Variants in NSD1 observed in about 807,000 individuals in gnomAD.
NSD1 encodes nuclear receptor binding SET domain protein 1, also known as histone-lysine N-methyltransferase, H3 lysine-36 specific.
In NSD1, 26 loss-of-function variants were observed where a neutral mutation model predicts 242.7. The ratio of observed to expected loss-of-function variants is 0.11; its 90% CI spans 0.08 to 0.15. The LOEUF is 0.15. NSD1 is among the 10% of genes least tolerant of loss of function. NSD1 has a pLI of 1.00. For missense variants in NSD1, 2,495 were observed against 3,272.8 expected (o/e 0.76, Z 5.80); for synonymous variants, 1,106 against 1,178.1 (o/e 0.94, Z 1.25).
In NSD1 at chr5:177,211,841, C is replaced by G. The variant is rs1418756267; in HGVS notation, c.3442C>G (p.Leu1148Val). 1.5e-5 allele frequency: 24 copies of G among 1,614,088 alleles called. No homozygotes were observed. Among genetic ancestry groups the G allele is most frequent in the Non-Finnish European group, 2.0e-5 (24 of 1,180,010 alleles). Residue 1148 changes from leucine to valine, a missense_variant, in exon 5 of 23, where the codon CTC (leucine) becomes GTC (valine). Transcript: ENST00000439151. ...DSVMNSENDE[L>V]NGVNQVVPKK... is the part of the protein sequence containing the mutation. ...TGTAATGAACAGTGAGAATGATGAA[C>G]TCAATGGTGTAAATCAAGTGGTGCC...
chr5:177,159,631 T>C (rs1489938733), intron 2 of NSD1, among the ~76,000 whole-genome samples: 2 of 146,052 alleles, frequency 1.4e-5, no homozygotes, highest in African/African-American at 5.1e-5. Context: ...GTTTCGCTCT[T>C]GTTGCCCAGG....
intron 14 of NSD1, among the ~76,000 whole-genome samples, chr5:177,261,009 T>C (rs1756953825): frequency 6.6e-6 from 1 of 152,182 alleles, no homozygotes; most frequent in African/African-American, 2.4e-5. Context: ...TATTTTCTCA[T>C]TGTAAGAATA....
chr5:177,237,496 A>AAT (rs1554195645), intron 6 of NSD1, among the ~76,000 whole-genome samples: 13 of 148,070 alleles, frequency 8.8e-5, no homozygotes, highest in East Asian at 3.9e-4. Context: ...TGGTTAAAAA[A>AAT]ATATATATAT....
chr5:177,135,634 T>TGAG lies in NSD1; in HGVS notation c.532_534dup (p.Glu178dup), dbSNP rs1370393446. On this transcript the variant is annotated inframe_insertion, in exon 2 of 23. Transcript: ENST00000439151. ...ACCCAGAACAGCCAGTCACAGAGGATGAGAGTATAGAGGAGATCTTTGAGG... is the reference window on the plus strand; with the variant it reads ...ACCCAGAACAGCCAGTCACAGAGGATGAGGAGAGTATAGAGGAGATCTTTGAGG... The TGAG allele has an allele frequency of 6.2e-7, 1 of 1,614,014 alleles. No homozygotes were observed. Among genetic ancestry groups the TGAG allele is most frequent in the East Asian group, 2.2e-5 (1 of 44,904 alleles).
chr5:177,181,427 G>GT (rs34848476), intron 2 of NSD1, among the ~76,000 whole-genome samples: 11,899 of 117,176 alleles, frequency 0.1, 1,273 homozygotes, highest in African/African-American at 0.24. Context: ...TTTTTTTTTG[G>GT]TTTTTTTTTT....
chr5:177,167,220 T>G (rs1319789203), intron 2 of NSD1, among the ~76,000 whole-genome samples: 1 of 152,068 alleles, frequency 6.6e-6, no homozygotes, highest in African/African-American at 2.4e-5. Context: ...TTCCATTGAC[T>G]ATTGTTTTCT....
chr5:177,176,952 A>G (rs952072572), intron 2 of NSD1, among the ~76,000 whole-genome samples: 2 of 152,204 alleles, frequency 1.3e-5, no homozygotes, highest in African/African-American at 4.8e-5. Flanking sequence ...GTAAATGAAA[A>G]CAATACCCCC....
chr5:177,293,953 A>G lies in NSD1; in HGVS notation c.6585A>G (p.Lys2195=). ...GAGAAGGGATGCTTTTCATTTCCAAACTGGATGGGCGTCTGTCTTGTACTG... is the reference window on the plus strand; with the variant it reads ...GAGAAGGGATGCTTTTCATTTCCAAGCTGGATGGGCGTCTGTCTTGTACTG... ...QHREGMLFIS[K]LDGRLSCTEH... Residue 2195 remains lysine, a synonymous_variant, in exon 23 of 23, where the codon AAA becomes AAG. Coordinates refer to ENST00000439151, the MANE Select transcript of NSD1 (RefSeq NM_022455.5). 1 of 1,613,984 alleles carries G rather than the reference A, an allele frequency of 6.2e-7. No individual in the cohort carries two copies. Among genetic ancestry groups the G allele is most frequent in the East Asian group, 2.2e-5 (1 of 44,862 alleles).
rs753741163 is a variant in NSD1 at position 177,210,585 on chromosome 5, A to C, written c.2186A>C (p.Asn729Thr). Residue 729 changes from asparagine (N) to threonine (T), a missense_variant, in exon 5 of 23, where the codon AAT (asparagine) becomes ACT (threonine). Coordinates refer to ENST00000439151, the MANE Select transcript of NSD1 (RefSeq NM_022455.5). ...CCTGGAACCGAGACGTCTCAGGTTA[A>C]TCTCTCTGATCTGAAGGCATCTACT... ...AEPGTETSQV[N>T]LSDLKASTLV... The C allele has an allele frequency of 2.5e-6, 4 of 1,614,040 alleles. No individual in the cohort carries two copies. The highest frequency in any genetic ancestry group is 3.4e-6 in the Non-Finnish European group (4 of 1,180,038).
At chr5:177,176,326 C>A (rs1760201788) in intron 2 of NSD1, among the ~76,000 whole-genome samples, 1 of 151,570 alleles carries the variant, frequency 6.6e-6, no homozygotes, top group Non-Finnish European at 1.5e-5. Context: ...ATGGCACGAT[C>A]TCGGCTCACT....
At chr5:177,154,207 C>T (rs988608614) in intron 2 of NSD1, among the ~76,000 whole-genome samples, 7 of 151,834 alleles carry the variant, frequency 4.6e-5, no homozygotes, top group Non-Finnish European at 1.0e-4. Context: ...ATCCAAGAGA[C>T]AGGGACAGAC....
intron 17 of NSD1, among the ~76,000 whole-genome samples, chr5:177,276,748 G>A (rs898679592): frequency 1.3e-5 from 2 of 151,988 alleles, no homozygotes; most frequent in Non-Finnish European, 2.9e-5. Context: ...GGGATTATAG[G>A]CATGAGCTGC....
At chr5:177,225,990 C>G (rs1379670327) in intron 5 of NSD1, among the ~76,000 whole-genome samples, 2 of 152,188 alleles carry the variant, frequency 1.3e-5, no homozygotes, top group African/African-American at 4.8e-5. Flanking sequence ...TTTTGTTTCA[C>G]TCTCATATCC....
At chr5:177,155,825 A>G (rs376361215) in intron 2 of NSD1, among the ~76,000 whole-genome samples, 1 of 151,462 alleles carries the variant, frequency 6.6e-6, no homozygotes, top group African/African-American at 2.4e-5. Context: ...AGCTGGGATT[A>G]CAGGTGTCCG....
chr5:177,136,079 C>T (rs750701208), intron 2 of NSD1, 49 bp downstream of exon 2: 5 of 1,453,732 alleles, frequency 3.4e-6, no homozygotes, highest in Non-Finnish European at 4.8e-6. Context: ...TGTATATATA[C>T]AGGCCACTTA....
intron 6 of NSD1, among the ~76,000 whole-genome samples, chr5:177,237,095 A>G (rs2149885519): frequency 6.6e-6 from 1 of 152,248 alleles, no homozygotes; most frequent in Admixed American, 6.5e-5. Flanking sequence ...TTTCTGCCTC[A>G]GCCTCCCAGA....
At chr5:177,250,195 C>T (rs1428917144) in intron 11 of NSD1, among the ~76,000 whole-genome samples, 1 of 152,224 alleles carries the variant, frequency 6.6e-6, no homozygotes, top group East Asian at 1.9e-4. Flanking sequence ...TGCCTATTAT[C>T]TTCACTATTA....
intron 12 of NSD1, among the ~76,000 whole-genome samples, chr5:177,255,071 A>G (rs1391032546): frequency 6.6e-6 from 1 of 152,112 alleles, no homozygotes; most frequent in Non-Finnish European, 1.5e-5. Context: ...TTGGGAGGCT[A>G]AGGTGGGCGG....
chr5:177,166,235 T>G (rs181841754), intron 2 of NSD1, among the ~76,000 whole-genome samples: 31 of 152,076 alleles, frequency 2.0e-4, no homozygotes, highest in Admixed American at 3.3e-4. Context: ...TTCTTGATAA[T>G]TTTCTTTGCT....
Sources: allele counts gnomAD v4.1 joint callset (sites outside exome capture counted in the v4.1 genomes callset), GRCh38; gene constraint gnomAD v4.1.1; transcripts MANE v1.5; gene names NCBI Gene and HGNC (gene_info 2026-07-23, HGNC 2026-07-21).